The following ANKS1A variants were observed in gnomAD, a reference collection of about 807,000 sequenced individuals.
ANKS1A encodes the protein ankyrin repeat and SAM domain-containing protein 1A.
ANKS1A carries 55 observed loss-of-function variants against 120.3 expected under a neutral mutation model. That is an observed-to-expected ratio of 0.46 (90% confidence interval 0.37 to 0.57). The LOEUF (loss-of-function observed/expected upper bound fraction) is 0.57. Among genes scored for constraint, ANKS1A ranks in the 20% least tolerant of loss-of-function variants. ANKS1A has a pLI of 0.00. For missense variants in ANKS1A, 1,123 were observed against 1,480.3 expected, an observed-to-expected ratio of 0.76 and a Z score of 3.96; for synonymous variants, 590 against 604.7, an observed-to-expected ratio of 0.98 and a Z score of 0.36.
intron 10 of ANKS1A, among the ~76,000 whole-genome samples, chr6:35,010,942 A>T (rs1362893250): frequency 1.3e-5 from 2 of 152,244 alleles, no homozygotes; most frequent in African/African-American, 2.4e-5. Flanking sequence ...ATAGTTTTCA[A>T]GAGATGAATG....
chr6:34,957,002 C>T (rs1222136790), intron 1 of ANKS1A, among the ~76,000 whole-genome samples: 1 of 152,206 alleles, frequency 6.6e-6, no homozygotes, highest in African/African-American at 2.4e-5. Flanking sequence ...ATCCCTGAGC[C>T]TTCCCAAGGG....
At chr6:34,949,873 C>T (rs1769985545) in intron 1 of ANKS1A, among the ~76,000 whole-genome samples, 1 of 152,088 alleles carries the variant, frequency 6.6e-6, no homozygotes, top group Admixed American at 6.6e-5. Flanking sequence ...TGATGTTCAT[C>T]CTCTAGAGGC....
chr6:35,001,648 G>A (rs1362169357), intron 10 of ANKS1A, among the ~76,000 whole-genome samples: 3 of 152,244 alleles, frequency 2.0e-5, no homozygotes, highest in Admixed American at 2.0e-4. Flanking sequence ...GACCTGAAAG[G>A]ATGCAGTGAG....
intron 1 of ANKS1A, among the ~76,000 whole-genome samples, chr6:34,895,702 T>C (rs1767033786): frequency 6.6e-6 from 1 of 151,456 alleles, no homozygotes; most frequent in African/African-American, 2.4e-5. Flanking sequence ...AATGCAACTA[T>C]CCACTAGCAT....
chr6:34,978,687 C>T (rs1771737343), intron 3 of ANKS1A, among the ~76,000 whole-genome samples: 1 of 151,254 alleles, frequency 6.6e-6, no homozygotes, highest in Admixed American at 6.6e-5. Flanking sequence ...TATCTGTAAT[C>T]CCAGCTACTA....
intron 12 of ANKS1A, 141 bp downstream of exon 12, chr6:35,054,306 A>C: frequency 2.9e-6 from 2 of 693,748 alleles, no homozygotes. Flanking sequence ...CCTATAATTC[A>C]GTCTCCAATA....
intron 11 of ANKS1A, chr6:35,039,714 G>A (rs1336221621): frequency 6.9e-6 from 3 of 434,938 alleles, no homozygotes; most frequent in Non-Finnish European, 1.4e-5. Context: ...GGGCTGTAGA[G>A]AAGGAAGGGT....
intron 1 of ANKS1A, among the ~76,000 whole-genome samples, chr6:34,906,049 T>TC (rs1767631063): frequency 2.6e-5 from 4 of 152,188 alleles, no homozygotes; most frequent in Admixed American, 2.0e-4. Flanking sequence ...GCAGTGCCCC[T>TC]CGGGGATCTT....
intron 11 of ANKS1A, among the ~76,000 whole-genome samples, chr6:35,019,220 T>G (rs1774202757): frequency 6.6e-6 from 1 of 152,132 alleles, no homozygotes; most frequent in Non-Finnish European, 1.5e-5. Flanking sequence ...TCTTACTGAG[T>G]GGAAGCTGCC....
chr6:35,013,738 C>T (rs1435946929), intron 10 of ANKS1A, among the ~76,000 whole-genome samples: 14 of 152,222 alleles, frequency 9.2e-5, no homozygotes, highest in Non-Finnish European at 1.6e-4. Context: ...CCTTCTGTCC[C>T]TTCCTTCTGC....
rs571965027 is a variant in ANKS1A, at chr6:35,051,076, C to T, written c.2011-3023C>T. 1.8e-4 allele frequency among the ~76,000 whole-genome samples: 28 copies of T among 152,258 alleles called. 1 individual carries two copies. In the South Asian group the frequency reaches 5.8e-3, roughly 32 times the overall value. ...GGTTTCTGGGTCAGGCACCTGTAAC[C>T]CCAGTGCTTTGGGAGGCTGACGCGG... On this transcript the variant is annotated intron_variant, in intron 11 of 23. Coordinates refer to ENST00000360359, the MANE Select transcript of ANKS1A (RefSeq NM_015245.3).
intron 1 of ANKS1A, among the ~76,000 whole-genome samples, chr6:34,929,825 TTCTTTCTTTCTC>T (rs1253906362): frequency 1.4e-5 from 2 of 144,416 alleles, no homozygotes; most frequent in African/African-American, 2.6e-5. Flanking sequence ...CTCTTTCTCT[TTCTTTCTTTCTC>T]TCTTTCTTTC....
chr6:35,093,146 G>A (rs1236988557), downstream of ANKS1A, among the ~76,000 whole-genome samples: 6 of 152,088 alleles, frequency 3.9e-5, no homozygotes, highest in African/African-American at 1.4e-4. Context: ...CTTCCTCCGT[G>A]CAGCCTCTAC....
At chr6:35,075,251 C>CTTT (rs1035128693) in intron 13 of ANKS1A, among the ~76,000 whole-genome samples, 2 of 152,242 alleles carry the variant, frequency 1.3e-5, no homozygotes, top group South Asian at 2.1e-4. Context: ...AAGGCAAGAT[C>CTTT]TTTTTAAGCC....
chr6:35,096,183 T>TCTC (rs1229092778), downstream of ANKS1A, among the ~76,000 whole-genome samples: 5 of 152,188 alleles, frequency 3.3e-5, no homozygotes, highest in Admixed American at 3.3e-4. Context: ...GCCAGGTGAA[T>TCTC]CTCCTGTAGG....
chr6:34,928,246 G>A (rs994905717), intron 1 of ANKS1A, among the ~76,000 whole-genome samples: 7 of 152,120 alleles, frequency 4.6e-5, no homozygotes, highest in South Asian at 2.1e-4. Context: ...CAATCTCTGC[G>A]TAGCCCTCCT....
intron 3 of ANKS1A, among the ~76,000 whole-genome samples, chr6:34,977,437 T>A (rs2127522346): frequency 6.6e-6 from 1 of 151,868 alleles, no homozygotes; most frequent in Non-Finnish European, 1.5e-5. Flanking sequence ...TTCTAAAAGC[T>A]GGTTTGAGAA....
chr6:35,040,715 G>A (rs1303228598), intron 11 of ANKS1A, among the ~76,000 whole-genome samples: 1 of 152,242 alleles, frequency 6.6e-6, no homozygotes, highest in Non-Finnish European at 1.5e-5. Flanking sequence ...GATTCTACAA[G>A]AGGCAGAATT....
At position 35,085,899 on chromosome 6, in the gene ANKS1A, C is replaced by T. The variant is rs201812720; in HGVS notation, c.3266C>T (p.Pro1089Leu). 13 of 1,612,860 alleles carry T rather than the reference C, an allele frequency of 8.1e-6. No homozygotes were observed. The highest frequency in any genetic ancestry group is 6.7e-5 in the Admixed American group (4 of 59,898). Residue 1089 changes from proline to leucine, a missense_variant, in exon 22 of 24, where the codon CCG (proline) becomes CTG (leucine). Coordinates refer to ENST00000360359, the MANE Select transcript of ANKS1A (RefSeq NM_015245.3). The surrounding 1 kb of genome is among the most constrained non-coding windows in gnomAD (Gnocchi z 4.7). ...ATGATTGAAACAAAATCTTCCAAAC[C>T]GGTGCCTAAGCCTCGGGTCGGCGTG... ...AEMIETKSSK[P>L]VPKPRVGVRK... is the part of the protein sequence containing the mutation.
Sources: gnomAD v4.1 joint callset for allele counts (sites outside exome capture counted in the v4.1 genomes callset) on GRCh38, gnomAD v4.1.1 for gene constraint, Gnocchi (gnomAD v3.1) non-coding constraint, MANE v1.5 for transcripts, NCBI Gene and HGNC (gene_info 2026-07-23, HGNC 2026-07-21) for gene names.